BNIP2: variants seen among roughly 807,000 people sequenced by gnomAD.
BNIP2 encodes the protein BCL2/adenovirus E1B 19 kDa protein-interacting protein 2.
BNIP2 carries 36 observed loss-of-function variants against 43.4 expected under a neutral mutation model. The ratio of observed to expected loss-of-function variants is 0.83; its 90% CI spans 0.64 to 1.10. The LOEUF is 1.10. Among genes scored for constraint, BNIP2 ranks in the 50% least tolerant of loss-of-function variants. The pLI is 0.00. For synonymous variants in BNIP2, 146 were observed against 121.0 expected (o/e 1.21, Z -1.35); for missense variants, 417 against 374.1 (o/e 1.11, Z -0.95).
chr15:59,668,713 A>C (rs559714174), intron 9 of BNIP2, 179 bp downstream of exon 9: 2 of 532,994 alleles, frequency 3.8e-6, no homozygotes, highest in African/African-American at 3.9e-5. Context: ...ATGCTAACTT[A>C]GGGGGATGGT....
At chr15:59,681,511 C>T (rs964309067) in intron 2 of BNIP2, among the ~76,000 whole-genome samples, 6 of 150,014 alleles carry the variant, frequency 4.0e-5, no homozygotes, top group South Asian at 4.2e-4. Context: ...TGCAGCAGCG[C>T]GACCTTGGCT....
intron 9 of BNIP2, 74 bp from the exon 10 acceptor site, chr15:59,664,194 T>C: frequency 1.0e-6 from 1 of 988,042 alleles, no homozygotes; most frequent in South Asian, 1.7e-5. Context: ...ATGACTATTT[T>C]AGCATAGAAT....
At chr15:59,683,509 A>G (rs1362411501) in intron 1 of BNIP2, among the ~76,000 whole-genome samples, 1 of 152,194 alleles carries the variant, frequency 6.6e-6, no homozygotes, top group Admixed American at 6.5e-5. Context: ...CAGTACTAAA[A>G]ATAAAGTTAA....
intron 9 of BNIP2, among the ~76,000 whole-genome samples, chr15:59,665,189 A>C (rs1366060006): frequency 1.3e-5 from 2 of 151,928 alleles, no homozygotes; most frequent in Non-Finnish European, 2.9e-5. Flanking sequence ...GCTTGAACCC[A>C]GGAGGCAGAG....
At chr15:59,669,212 T>C (rs1182561750) in intron 8 of BNIP2, 64 bp downstream of exon 8, 95 of 1,181,846 alleles carry the variant, frequency 8.0e-5, no homozygotes, top group Non-Finnish European at 1.1e-4. Flanking sequence ...ATAGTTATTA[T>C]GTGTTAACTA....
At chr15:59,672,548 T>C (rs991722508) in intron 6 of BNIP2, 89 bp downstream of exon 6, 1 of 971,652 alleles carries the variant, frequency 1.0e-6, no homozygotes, top group Non-Finnish European at 1.5e-6. Context: ...CTGGAATATT[T>C]ATAATTTTTG....
intron 9 of BNIP2, 73 bp downstream of exon 9, chr15:59,668,819 A>G: frequency 8.0e-7 from 1 of 1,249,908 alleles, no homozygotes. Context: ...AAGAATGAGT[A>G]TTGAAAAGTA....
At chr15:59,667,459 T>C (rs1323596334) in intron 9 of BNIP2, among the ~76,000 whole-genome samples, 1 of 152,256 alleles carries the variant, frequency 6.6e-6, no homozygotes, top group Non-Finnish European at 1.5e-5. Flanking sequence ...CCTTTCATCA[T>C]CTATGTCAAG....
chr15:59,674,090 C>CAAAAAAAAAAAAAAAAAA (rs754263928), intron 5 of BNIP2, among the ~76,000 whole-genome samples: 2 of 91,446 alleles, frequency 2.2e-5, no homozygotes, highest in Non-Finnish European at 4.3e-5. Flanking sequence ...ACTTGGGTCT[C>CAAAAAAAAAAAAAAAAAA]AAAAAAAAAA....
Position 59,671,418 on chromosome 15 carries a change from G to A in BNIP2, c.576-104C>T, listed in dbSNP as rs1019887175. On this transcript the variant is annotated intron_variant, in intron 6 of 9. Transcript: ENST00000607373. ...ACAATTCCTTCCTCTCTCCTACAAT[G>A]AGAGCAACAATGAAAATGCTCAAAC... The A allele has an allele frequency of 1.0e-5, 10 of 970,620 alleles. No homozygotes were observed. The Admixed American group carries it at 2.4e-4, about 23-fold the overall frequency. 60.1% of individuals were successfully genotyped at this position (970,620 alleles called of 1,614,324 possible).
At chr15:59,671,110 A>C (rs978482148) in intron 7 of BNIP2, 73 bp downstream of exon 7, 4 of 1,381,390 alleles carry the variant, frequency 2.9e-6, no homozygotes, top group Admixed American at 2.8e-5. Context: ...AATAGCAACG[A>C]AAAACAAAGT....
chr15:59,678,687 G>T (rs565713689), intron 4 of BNIP2: 16 of 1,200,688 alleles, frequency 1.3e-5, no homozygotes, highest in African/African-American at 1.6e-5. Flanking sequence ...TTTTGAGATT[G>T]CAGTTTAGCT....
In BNIP2 at chr15:59,672,626, T is replaced by A; in HGVS notation, c.575+11A>T. 6.3e-7 allele frequency: 1 copy of A among 1,592,946 alleles called. No homozygotes were observed. The highest frequency in any genetic ancestry group is 8.6e-7 in the Non-Finnish European group (1 of 1,161,568). On this transcript the variant is annotated intron_variant, in intron 6 of 9. Coordinates refer to ENST00000607373, the MANE Select transcript of BNIP2 (RefSeq NM_004330.4). ...ATTCTGTCCAAATGTTTTTGTTTAA[T>A]ATATACTTACTTAAAAAGATTGTCC...
intron 4 of BNIP2, 123 bp downstream of exon 4, chr15:59,679,469 C>G: frequency 8.6e-7 from 1 of 1,164,968 alleles, no homozygotes; most frequent in Non-Finnish European, 1.2e-6. Context: ...TGAGAATATT[C>G]AAGGGTTAGC....
chr15:59,682,834 TG>T (rs1308122643), intron 1 of BNIP2, among the ~76,000 whole-genome samples: 1 of 152,196 alleles, frequency 6.6e-6, no homozygotes, highest in Non-Finnish European at 1.5e-5. Context: ...AAATTTGAAG[TG>T]GGGTAAGAAA....
At chr15:59,677,676 G>C in intron 5 of BNIP2, 2 of 1,187,180 alleles carry the variant, frequency 1.7e-6, no homozygotes, top group Non-Finnish European at 2.2e-6. Flanking sequence ...ACTGACATCA[G>C]ATGTCTTGAG....
In BNIP2 at chr15:59,678,069, T is replaced by A; in HGVS notation, c.314A>T (p.Lys105Met). The part of the protein sequence containing the change: ...FEWEDDLPKP[K>M]TTEVIRKGSI... ...GCCTTTCCTAATTACTTCAGTAGTC[T>A]TGGGTTTTGGAAGATCATCTGTCAA... Residue 105 changes from lysine to methionine, a missense_variant, in exon 5 of 10, where the codon AAG (lysine) becomes ATG (methionine). Transcript: ENST00000607373. The A allele has an allele frequency of 6.2e-7, 1 of 1,603,136 alleles. No individual in the cohort carries two copies. Among genetic ancestry groups the A allele is most frequent in the Non-Finnish European group, 8.5e-7 (1 of 1,177,218 alleles).
chr15:59,667,027 A>G (rs945402732), intron 9 of BNIP2, among the ~76,000 whole-genome samples: 1 of 152,224 alleles, frequency 6.6e-6, no homozygotes, highest in Admixed American at 6.5e-5. Context: ...AAAATATTCT[A>G]CAATTACAAA....
At chr15:59,670,806 G>A (rs1229186528) in intron 7 of BNIP2, among the ~76,000 whole-genome samples, 1 of 152,178 alleles carries the variant, frequency 6.6e-6, no homozygotes, top group African/African-American at 2.4e-5. Context: ...GGGCGCGGTG[G>A]CTCACGCCTG....
Sources: gnomAD v4.1 joint callset for allele counts (sites outside exome capture counted in the v4.1 genomes callset) on GRCh38, gnomAD v4.1.1 for gene constraint, MANE v1.5 for transcripts, NCBI Gene and HGNC (gene_info 2026-07-23, HGNC 2026-07-21) for gene names.